Variants in CMYA5 observed in about 807,000 individuals in gnomAD.
CMYA5 encodes cardiomyopathy associated 5, also known as cardiomyopathy-associated protein 5.
CMYA5 carries 246 observed loss-of-function variants against 318.9 expected under a neutral mutation model. That is an observed-to-expected ratio of 0.77 (90% CI 0.70 to 0.86). The LOEUF is 0.86. Ranked by LOEUF, CMYA5 falls within the 40% of genes least tolerant of loss-of-function variation. The probability of loss-of-function intolerance (pLI) is 0.00; values close to 1 mark genes in which losing one functional copy is unlikely to be tolerated. For synonymous variants in CMYA5, 1,641 were observed against 1,729.5 expected, an observed-to-expected ratio of 0.95 and a Z score of 1.27; for missense variants, 4,589 against 4,678.2, an observed-to-expected ratio of 0.98 and a Z score of 0.56.
rs1181839455 is a variant in CMYA5, at chr5:79,737,312, T to C, written c.8547T>C (p.His2849=). 1.9e-6 allele frequency: 3 copies of C among 1,613,868 alleles called. No homozygotes were observed. The South Asian group carries it at 3.3e-5, about 18-fold the overall frequency. ...TGACTCCAGAAAGGCATACAGTTCA[T>C]ACTATTCAGACATCTAAAGATGACA... ...SELTPERHTV[H]TIQTSKDDTS... is the part of the protein sequence containing the mutation. The change falls in exon 2 of 13, where the codon CAT becomes CAC. Residue 2849 remains histidine, a synonymous_variant. Transcript: ENST00000446378.
At chr5:79,795,729 T>C (rs889030756) in intron 12 of CMYA5, among the ~76,000 whole-genome samples, 1 of 151,530 alleles carries the variant, frequency 6.6e-6, no homozygotes, top group African/African-American at 2.4e-5. Flanking sequence ...GGGCAAGGAG[T>C]CCTGAGGGGA....
chr5:79,761,919 G>C lies in CMYA5; in HGVS notation c.11369G>C (p.Gly3790Ala), dbSNP rs1420168151. The C allele has an allele frequency of 6.2e-7, 1 of 1,613,602 alleles. No individual in the cohort carries two copies. Among genetic ancestry groups the C allele is most frequent in the African/African-American group, 1.3e-5 (1 of 74,926 alleles). Residue 3790 changes from glycine to alanine, a missense_variant, in exon 8 of 13, where the codon GGA (glycine) becomes GCA (alanine). Physicochemically the swap from Gly to Ala is moderately conservative, Grantham distance 60 (BLOSUM62 0). Around this residue, in one of 3 missense-constraint regions of CMYA5, gnomAD observed 2,431 missense variants for 2,495.1 expected, o/e 0.97. Transcript: ENST00000446378. ...TGGGTGATGGCTGTGAACTTCACTG[G>C]ATGTAGCCTGCCCAGTGAAAGGGCC... ...QVWVMAVNFT[G>A]CSLPSERAIF...
chr5:79,757,535 G>A (rs1422223487), intron 6 of CMYA5, among the ~76,000 whole-genome samples: 3 of 151,954 alleles, frequency 2.0e-5, no homozygotes, highest in Non-Finnish European at 4.4e-5. Context: ...AAATTGATAG[G>A]GCTAGCCATG....
chr5:79,765,404 GT>G (rs1828730856), intron 9 of CMYA5, among the ~76,000 whole-genome samples: 1 of 152,194 alleles, frequency 6.6e-6, no homozygotes. Context: ...TTGTAGTATA[GT>G]TTGAAGTCAG....
At position 79,738,858 on chromosome 5, in the gene CMYA5, G is replaced by T. The variant is rs138763729; in HGVS notation, c.10093G>T (p.Ala3365Ser). The T allele has an allele frequency of 1.2e-4, 197 of 1,613,938 alleles. 2 individuals carry two copies. The African/African-American group carries it at 2.3e-3, about 19-fold the overall frequency. ...CAGTCACGGTAATGAAGTCGGAAATGCAAGTCCAGAGGTCAATCTGAATGT... is the reference window on the plus strand; with the variant it reads ...CAGTCACGGTAATGAAGTCGGAAATTCAAGTCCAGAGGTCAATCTGAATGT... ...AGSHGNEVGN[A>S]SPEVNLNVPV... The change falls in exon 2 of 13, where the codon GCA becomes TCA. Residue 3365 changes from alanine (A) to serine (S), a missense_variant. Transcript: ENST00000446378.
At chr5:79,709,258 T>C (rs1827335931) in intron 1 of CMYA5, among the ~76,000 whole-genome samples, 2 of 152,132 alleles carry the variant, frequency 1.3e-5, no homozygotes, top group Non-Finnish European at 1.5e-5. Context: ...TGCTTTTGAG[T>C]CTCAAATTCT....
At position 79,729,435 on chromosome 5, in the gene CMYA5, A is replaced by C. The variant is rs753757097; in HGVS notation, c.670A>C (p.Thr224Pro). ...AGTGTTAAGACCAGTCTACATAGGA[A>C]CAGTACAATATAAAATTAAGATGTT... ...PLVLRPVYIG[T>P]VQYKIKMFNS... Residue 224 changes from threonine (T) to proline (P), a missense_variant, in exon 2 of 13, where the codon ACA becomes CCA. By Grantham distance (38) the Thr-to-Pro change is conservative. Around this residue, in one of 3 missense-constraint regions of CMYA5, gnomAD observed 2,132 missense variants for 2,131.3 expected, o/e 1.00. Coordinates refer to ENST00000446378, the MANE Select transcript of CMYA5 (RefSeq NM_153610.5). 1.9e-6 allele frequency: 3 copies of C among 1,613,460 alleles called. No homozygotes were observed. The East Asian group carries it at 6.7e-5, about 36-fold the overall frequency.
intron 4 of CMYA5, 79 bp from the exon 5 acceptor site, chr5:79,747,009 CTGT>C: frequency 1.2e-6 from 1 of 845,132 alleles, no homozygotes; most frequent in Non-Finnish European, 1.9e-6. Context: ...TTTTTTCTTT[CTGT>C]TGTTAATTAG....
In CMYA5 at chr5:79,763,196, G is replaced by A. The variant is rs888397347; in HGVS notation, c.11542G>A (p.Gly3848Arg). The change falls in exon 9 of 13, where the codon GGA becomes AGA. Residue 3848 changes from glycine to arginine, a missense_variant. Coordinates refer to ENST00000446378, the MANE Select transcript of CMYA5 (RefSeq NM_153610.5). ...GTACTGCAGACAGCACTCTCCTGAGGGAGAGGGCCTCAGGTGAGGGGCCCT... is the reference window on the plus strand; with the variant it reads ...GTACTGCAGACAGCACTCTCCTGAGAGAGAGGGCCTCAGGTGAGGGGCCCT... The part of the protein sequence containing the change: ...LEYCRQHSPE[G>R]EGLRSFSGIK... The A allele has an allele frequency of 6.2e-7, 1 of 1,606,284 alleles. No individual in the cohort carries two copies. Among genetic ancestry groups the A allele is most frequent in the African/African-American group, 1.3e-5 (1 of 74,780 alleles).
In CMYA5 at chr5:79,735,579, G is replaced by A; in HGVS notation, c.6814G>A (p.Val2272Ile). The A allele has an allele frequency of 6.2e-7, 1 of 1,613,318 alleles. No homozygotes were observed. Among genetic ancestry groups the A allele is most frequent in the Non-Finnish European group, 8.5e-7 (1 of 1,179,686 alleles). Residue 2272 changes from valine to isoleucine, a missense_variant, in exon 2 of 13, where the codon GTA becomes ATA. Physicochemically the swap from Val to Ile is conservative, Grantham distance 29. This residue lies in a region of CMYA5 where 2,431 missense variants were observed against 2,495.1 expected (regional missense o/e 0.97). Coordinates refer to ENST00000446378, the MANE Select transcript of CMYA5 (RefSeq NM_153610.5). ...AGAAAAATCCATGATTTTATCAAATGTAGAAGATTTACAACAGCCAAAATT... is the reference window on the plus strand; with the variant it reads ...AGAAAAATCCATGATTTTATCAAATATAGAAGATTTACAACAGCCAAAATT... ...VKEKSMILSNVEDLQQPKFIS... is the reference protein window; with the variant it reads ...VKEKSMILSNIEDLQQPKFIS...
intron 6 of CMYA5, among the ~76,000 whole-genome samples, chr5:79,755,886 A>G (rs994220863): frequency 5.9e-5 from 9 of 152,220 alleles, no homozygotes; most frequent in Admixed American, 2.0e-4. Flanking sequence ...TCTTGGATCA[A>G]TTAATCAGTT....
At position 79,690,068 on chromosome 5, in the gene CMYA5, C is replaced by G. The variant is rs1270615917; in HGVS notation, c.149+12C>G. On this transcript the variant is annotated intron_variant, in intron 1 of 12. Transcript: ENST00000446378. ...GAGCCGGACTCCAGGTAGCGCGAGC[C>G]TCTCTCCTCGGCCCAGGGCCTGCAG... 6 of 1,430,066 alleles carry G rather than the reference C, an allele frequency of 4.2e-6. No homozygotes were observed. The highest frequency in any genetic ancestry group is 5.5e-6 in the Non-Finnish European group (6 of 1,088,496). The allele number at this position is 1,430,066 out of a possible 1,614,324, so 88.6% of individuals were successfully genotyped here. A position where few individuals can be genotyped will look rare whatever the true frequency, so the allele number is the denominator to read the frequency against.
chr5:79,734,875 A>G lies in CMYA5; in HGVS notation c.6110A>G (p.Gln2037Arg). 2 of 1,613,838 alleles carry G rather than the reference A, an allele frequency of 1.2e-6. No individual in the cohort carries two copies. Among genetic ancestry groups the G allele is most frequent in the Non-Finnish European group, 1.7e-6 (2 of 1,179,800 alleles). ...TCCTGGCCTTCCAAAGAAGATAGCCAGGAAAAAATTAAACTACCTCCTGAA... is the reference window on the plus strand; with the variant it reads ...TCCTGGCCTTCCAAAGAAGATAGCCGGGAAAAAATTAAACTACCTCCTGAA... Reference protein sequence around the residue: ...ELSWPSKEDSQEKIKLPPERF... With the variant: ...ELSWPSKEDSREKIKLPPERF... Residue 2037 changes from glutamine (Q) to arginine (R), a missense_variant, in exon 2 of 13, where the codon CAG becomes CGG. Gln to Arg is a conservative substitution (Grantham distance 43, BLOSUM62 1). Coordinates refer to ENST00000446378, the MANE Select transcript of CMYA5 (RefSeq NM_153610.5).
chr5:79,739,549 C>A, intron 2 of CMYA5, 146 bp downstream of exon 2: 1 of 699,448 alleles, frequency 1.4e-6, no homozygotes, highest in Non-Finnish European at 2.2e-6. Flanking sequence ...AATATTTCTC[C>A]AAGAATTTAG....
At chr5:79,759,031 A>C in intron 7 of CMYA5, 129 bp downstream of exon 7, 1 of 739,850 alleles carries the variant, frequency 1.4e-6, no homozygotes, top group Non-Finnish European at 2.0e-6. Context: ...ACAACAACAA[A>C]ACCCCAACAA....
In CMYA5 at chr5:79,732,509, T is replaced by C. The variant is rs1440155190; in HGVS notation, c.3744T>C (p.Asp1248=). 2 of 1,613,254 alleles carry C rather than the reference T, an allele frequency of 1.2e-6. No individual in the cohort carries two copies. Among genetic ancestry groups the C allele is most frequent in the Non-Finnish European group, 1.7e-6 (2 of 1,179,638 alleles). The change falls in exon 2 of 13, where the codon GAT becomes GAC. Residue 1248 remains aspartate, a synonymous_variant. Coordinates refer to ENST00000446378, the MANE Select transcript of CMYA5 (RefSeq NM_153610.5). ...MKYSVLPDMV[D]EPKKGVKPKL... ...ATTCAGTTTTGCCTGACATGGTAGA[T>C]GAGCCAAAGAAGGGTGTCAAGCCCA...
intron 12 of CMYA5, among the ~76,000 whole-genome samples, chr5:79,798,033 C>T (rs1476705886): frequency 6.6e-6 from 1 of 152,164 alleles, no homozygotes. Flanking sequence ...GGTTCCAGAA[C>T]ATCATAGTAT....
intron 9 of CMYA5, among the ~76,000 whole-genome samples, chr5:79,763,583 A>G (rs1179518904): frequency 6.6e-6 from 1 of 152,214 alleles, no homozygotes; most frequent in Non-Finnish European, 1.5e-5. Context: ...GAGCTTGTGT[A>G]TAATGTAAAT....
chr5:79,757,194 CAAAAA>C (rs35929144), intron 6 of CMYA5, among the ~76,000 whole-genome samples: 1 of 84,520 alleles, frequency 1.2e-5, no homozygotes. Flanking sequence ...GACTCCATCT[CAAAAA>C]AAAAAAAAAA....
Sources: allele counts gnomAD v4.1 joint callset (sites outside exome capture counted in the v4.1 genomes callset), GRCh38; gene constraint gnomAD v4.1.1; regional missense constraint gnomAD v4.1.1; transcripts MANE v1.5; gene names NCBI Gene and HGNC (gene_info 2026-07-23, HGNC 2026-07-21).